NGEF: variants seen among roughly 807,000 people sequenced by gnomAD.
NGEF encodes the protein ephexin-1.
Under a neutral mutation model 80.9 loss-of-function variants are expected in NGEF, and 31 were observed. The ratio of observed to expected loss-of-function variants is 0.38; its 90% CI spans 0.29 to 0.52. The LOEUF (loss-of-function observed/expected upper bound fraction) is 0.52, where lower values mean the gene tolerates loss of function less well. Ranked by LOEUF, NGEF falls within the 20% of genes least tolerant of loss-of-function variation. NGEF has a pLI of 0.84. For missense variants in NGEF, 709 were observed against 926.2 expected (o/e 0.77, Z 3.04); for synonymous variants, 371 against 370.2 (o/e 1.00, Z -0.03).
Position 232,879,180 on chromosome 2 carries a change from A to AT in NGEF, c.*308dup. 3.8e-6 allele frequency: 1 copy of AT among 259,970 alleles called. No homozygotes were observed. The highest frequency in any genetic ancestry group is 7.3e-6 in the Non-Finnish European group (1 of 136,432). The allele number at this position is 259,970 out of a possible 1,614,324, so 16.1% of individuals were successfully genotyped here. ...CTTCCAGTCCCTGGGGGCCAGGGGC[A>AT]TGGGGGGCCCTGGAGTGTGCCCACC... On this transcript the variant is annotated 3_prime_UTR_variant, in exon 15 of 15. Transcript: ENST00000264051.
chr2:232,885,408 G>GCACATCAGGCCACCAAAGCCA (rs754101077), intron 9 of NGEF, 39 bp from the exon 10 acceptor site: 11 of 1,570,608 alleles, frequency 7.0e-6, no homozygotes, highest in Non-Finnish European at 9.6e-6. Context: ...CACCAAAGCC[G>GCACATCAGGCCACCAAAGCCA]GCTGTCCCGG....
At chr2:232,900,308 G>A (rs1472955677) in intron 5 of NGEF, among the ~76,000 whole-genome samples, 1 of 76,672 alleles carries the variant, frequency 1.3e-5, no homozygotes, top group African/African-American at 6.4e-5. Flanking sequence ...TCATATACAC[G>A]TTCACTCACA....
At chr2:232,972,313 TA>T (rs1287797250) in intron 2 of NGEF, among the ~76,000 whole-genome samples, 2 of 152,260 alleles carry the variant, frequency 1.3e-5, no homozygotes, top group African/African-American at 4.8e-5. Context: ...CGATATTTTT[TA>T]TGTTGATTAT....
intron 3 of NGEF, among the ~76,000 whole-genome samples, chr2:232,938,245 G>A (rs1291537070): frequency 6.6e-6 from 1 of 152,180 alleles, no homozygotes; most frequent in Non-Finnish European, 1.5e-5. Context: ...TGCTTGGCTA[G>A]TGAAACATTG....
chr2:233,002,223 T>A, intron 1 of NGEF, among the ~76,000 whole-genome samples: 1 of 152,174 alleles, frequency 6.6e-6, no homozygotes, highest in East Asian at 1.9e-4. Context: ...AATCAGTAGT[T>A]TAATATTTTA....
At chr2:232,972,349 T>A (rs1694211592) in intron 2 of NGEF, among the ~76,000 whole-genome samples, 1 of 152,236 alleles carries the variant, frequency 6.6e-6, no homozygotes, top group African/African-American at 2.4e-5. Context: ...AATGGTAGCT[T>A]TTGCATCTGC....
chr2:232,949,345 T>A (rs1693628280), intron 3 of NGEF, among the ~76,000 whole-genome samples: 1 of 152,244 alleles, frequency 6.6e-6, no homozygotes, highest in African/African-American at 2.4e-5. Flanking sequence ...AACATCTTTG[T>A]CTGATTTCTG....
At chr2:232,936,157 T>A (rs1347138840) in intron 3 of NGEF, among the ~76,000 whole-genome samples, 1 of 152,208 alleles carries the variant, frequency 6.6e-6, no homozygotes, top group African/African-American at 2.4e-5. Flanking sequence ...ACTCTGTGGA[T>A]GAAGAGATTT....
chr2:232,932,387 G>C (rs372659978), intron 3 of NGEF, among the ~76,000 whole-genome samples: 1 of 151,726 alleles, frequency 6.6e-6, no homozygotes, highest in Non-Finnish European at 1.5e-5. Context: ...GGCTGGTCTC[G>C]AACTCCTGAC....
At chr2:232,883,893 AC>A in intron 11 of NGEF, 87 bp downstream of exon 11, 2 of 1,366,858 alleles carry the variant, frequency 1.5e-6, no homozygotes, top group Non-Finnish European at 2.0e-6. Context: ...CTGTCCCGAC[AC>A]CCCCAACCCC....
chr2:232,963,549 C>T (rs1693995164), intron 3 of NGEF, among the ~76,000 whole-genome samples: 1 of 152,004 alleles, frequency 6.6e-6, no homozygotes, highest in South Asian at 2.1e-4. Context: ...CACAGTGGCT[C>T]ATGTCTGTAA....
intron 5 of NGEF, among the ~76,000 whole-genome samples, chr2:232,895,933 G>T (rs1477931768): frequency 6.6e-6 from 1 of 152,138 alleles, no homozygotes; most frequent in Non-Finnish European, 1.5e-5. Flanking sequence ...GGATCTAACA[G>T]CAGTTCTGCA....
intron 9 of NGEF, among the ~76,000 whole-genome samples, chr2:232,887,314 T>A (rs1484782810): frequency 2.0e-5 from 3 of 152,218 alleles, no homozygotes; most frequent in Admixed American, 6.5e-5. Flanking sequence ...ACATACTCGC[T>A]GGCCCTTCCC....
rs1158046941 is a variant in NGEF, at chr2:232,995,398, GTA to G, written c.-75+17668_-75+17669del. 1.2e-3 allele frequency among the ~76,000 whole-genome samples: 10 copies of G among 8,042 alleles called. 4 individuals are homozygous for G. The highest frequency in any genetic ancestry group is 2.8e-3 in the Admixed American group (2 of 714). 5.3% of individuals were successfully genotyped at this position (8,042 alleles called of 152,430 possible). On this transcript the variant is annotated intron_variant, in intron 1 of 14. Transcript: ENST00000264051. ...ATACACAGTATGTATACTGTATACT[GTA>G]TATATATACACAGTATGTATACTGT...
chr2:232,952,970 C>CAAAAAAAAAAAAAAAAAAA (rs57198276), intron 3 of NGEF, among the ~76,000 whole-genome samples: 1 of 73,068 alleles, frequency 1.4e-5, no homozygotes, highest in Non-Finnish European at 2.6e-5. Flanking sequence ...AGACAGCCCT[C>CAAAAAAAAAAAAAAAAAAA]AAAAAAAAAA....
chr2:232,912,067 A>C (rs1353629845), intron 5 of NGEF, among the ~76,000 whole-genome samples: 2 of 152,208 alleles, frequency 1.3e-5, no homozygotes, highest in Admixed American at 6.5e-5. Flanking sequence ...AGGAACAGAC[A>C]GCCTTCCCTT....
intron 5 of NGEF, among the ~76,000 whole-genome samples, chr2:232,906,848 T>C (rs1431406500): frequency 3.3e-5 from 5 of 151,848 alleles, no homozygotes; most frequent in Non-Finnish European, 7.4e-5. Flanking sequence ...GAAAAATTCT[T>C]CTGCCTTGGG....
intron 12 of NGEF, 40 bp from the exon 13 acceptor site, chr2:232,882,305 A>G (rs72997493): frequency 0.11 from 176,886 of 1,571,384 alleles, 11,305 homozygotes; most frequent in Non-Finnish European, 0.13. Flanking sequence ...CTGCAGATCA[A>G]CGGCAGCCCC....
chr2:232,886,971 A>C (rs1232917362), intron 9 of NGEF, among the ~76,000 whole-genome samples: 1 of 152,214 alleles, frequency 6.6e-6, no homozygotes, highest in Non-Finnish European at 1.5e-5. Context: ...TAACTGCCAG[A>C]GGAATTTTGG....
Sources: allele counts gnomAD v4.1 joint callset (sites outside exome capture counted in the v4.1 genomes callset), GRCh38; gene constraint gnomAD v4.1.1; transcripts MANE v1.5; gene names NCBI Gene and HGNC (gene_info 2026-07-23, HGNC 2026-07-21).